The following TBC1D32 variants were observed in gnomAD, a reference collection of about 807,000 sequenced individuals.
The protein encoded by TBC1D32 is TBC1 domain family member 32.
TBC1D32 carries 151 observed loss-of-function variants against 170.3 expected under a neutral mutation model. That is an observed-to-expected ratio of 0.89 (90% CI 0.78 to 1.01). TBC1D32 has a LOEUF of 1.01. TBC1D32 is among the 50% of genes least tolerant of loss of function. The pLI is 0.00. For synonymous variants in TBC1D32, 498 were observed against 488.0 expected (o/e 1.02, Z -0.27); for missense variants, 1,464 against 1,457.1 (o/e 1.00, Z -0.08).
intron 15 of TBC1D32, among the ~76,000 whole-genome samples, chr6:121,260,733 C>T (rs140181367): frequency 2.0e-5 from 3 of 152,332 alleles, no homozygotes; most frequent in East Asian, 1.9e-4. Flanking sequence ...AACAGCCACT[C>T]GGCTGGAATC....
At chr6:121,211,886 G>A (rs540252600) in intron 21 of TBC1D32, among the ~76,000 whole-genome samples, 74 of 152,128 alleles carry the variant, frequency 4.9e-4, no homozygotes, top group African/African-American at 1.4e-3. Flanking sequence ...AGCAAGGATA[G>A]TATGTGCTCC....
intron 15 of TBC1D32, among the ~76,000 whole-genome samples, chr6:121,272,386 A>G (rs567025697): frequency 6.6e-6 from 1 of 152,250 alleles, no homozygotes; most frequent in Non-Finnish European, 1.5e-5. Context: ...TCCAGAATCT[A>G]CAAAGAACTC....
At chr6:121,280,264 TC>T (rs1802797872) in intron 14 of TBC1D32, among the ~76,000 whole-genome samples, 1 of 151,864 alleles carries the variant, frequency 6.6e-6, no homozygotes, top group Non-Finnish European at 1.5e-5. Flanking sequence ...AACTTTCTAT[TC>T]CTCATTTTAA....
chr6:121,118,437 CAAAAT>C (rs1246204891), intron 26 of TBC1D32, among the ~76,000 whole-genome samples: 1 of 151,998 alleles, frequency 6.6e-6, no homozygotes, highest in African/African-American at 2.4e-5. Flanking sequence ...GCAATAGTTT[CAAAAT>C]AAAATGAGTT....
chr6:121,121,055 A>G (rs1780207813), intron 26 of TBC1D32, among the ~76,000 whole-genome samples: 1 of 152,072 alleles, frequency 6.6e-6, no homozygotes, highest in Admixed American at 6.6e-5. Context: ...GTGTATATAT[A>G]TATAATTAAA....
intron 12 of TBC1D32, among the ~76,000 whole-genome samples, chr6:121,284,673 C>T (rs972711720): frequency 6.6e-6 from 1 of 151,852 alleles, no homozygotes; most frequent in African/African-American, 2.4e-5. Context: ...TTGACCTATG[C>T]TAATATAGTA....
intron 1 of TBC1D32, among the ~76,000 whole-genome samples, chr6:121,327,675 G>C (rs1563426710): frequency 6.6e-6 from 1 of 152,174 alleles, no homozygotes; most frequent in Admixed American, 6.5e-5. Context: ...TAAAGGCAAA[G>C]CTTCTATATA....
At chr6:121,271,107 G>A (rs569888947) in intron 15 of TBC1D32, among the ~76,000 whole-genome samples, 7 of 152,150 alleles carry the variant, frequency 4.6e-5, no homozygotes, top group South Asian at 4.1e-4. Flanking sequence ...TAGATGGGAC[G>A]TATCTCAAAA....
rs1250090966 is a variant in TBC1D32, at chr6:121,239,080, C to G, written c.2354G>C (p.Ser785Thr). The G allele has an allele frequency of 3.2e-6, 5 of 1,577,868 alleles. No individual in the cohort carries two copies. The highest frequency in any genetic ancestry group is 4.3e-6 in the Non-Finnish European group (5 of 1,152,824). Residue 785 changes from serine to threonine, a missense_variant, in exon 20 of 32, where the codon AGC (serine) becomes ACC (threonine). By Grantham distance (58) the Ser-to-Thr change is moderately conservative (BLOSUM62 1). Coordinates refer to ENST00000398212, the MANE Select transcript of TBC1D32 (RefSeq NM_152730.6). ...RTTPVDPIDR[S>T]CQKSFLALVN... ...CAAATAACTTCTTACCTTTTGACAG[C>G]TTCGGTCAATAGGATCCACTGGAGT... is the stretch of plus-strand genomic sequence containing the variant.
chr6:121,080,521 A>T lies in TBC1D32; in HGVS notation c.*250T>A, dbSNP rs1027756774. ...GAGCCACCGCGCCTGGCCAGGACTA[A>T]CTCTTAAACATGAATAAGAACTAAA... On this transcript the variant is annotated 3_prime_UTR_variant, in exon 32 of 32. Coordinates refer to ENST00000398212, the MANE Select transcript of TBC1D32 (RefSeq NM_152730.6). 5.4e-6 allele frequency: 2 copies of T among 371,810 alleles called. No homozygotes were observed. Among genetic ancestry groups the T allele is most frequent in the South Asian group, 4.2e-5 (1 of 23,964 alleles). The allele number at this position is 371,810 out of a possible 1,614,324, so 23.0% of individuals were successfully genotyped here.
chr6:121,110,537 G>A (rs1269699380), intron 29 of TBC1D32, among the ~76,000 whole-genome samples: 1 of 151,934 alleles, frequency 6.6e-6, no homozygotes, highest in Non-Finnish European at 1.5e-5. Context: ...ATAATGTGAG[G>A]CTGAGCTAAA....
chr6:121,258,114 T>G (rs921368170), intron 15 of TBC1D32, among the ~76,000 whole-genome samples: 5 of 152,172 alleles, frequency 3.3e-5, no homozygotes, highest in South Asian at 2.1e-4. Context: ...CTTTATACTT[T>G]TATCTTTTTC....
intron 1 of TBC1D32, among the ~76,000 whole-genome samples, chr6:121,324,657 T>C (rs917568405): frequency 6.6e-6 from 1 of 152,364 alleles, no homozygotes; most frequent in African/African-American, 2.4e-5. Flanking sequence ...TATTTGAAGA[T>C]CTTCCCATAT....
At chr6:121,230,480 T>C (rs2128339748) in intron 20 of TBC1D32, among the ~76,000 whole-genome samples, 1 of 152,256 alleles carries the variant, frequency 6.6e-6, no homozygotes, top group East Asian at 1.9e-4. Flanking sequence ...TTTCTAATTA[T>C]AGTTCAGTAC....
intron 4 of TBC1D32, among the ~76,000 whole-genome samples, chr6:121,309,140 A>G (rs1464400042): frequency 1.3e-5 from 2 of 152,192 alleles, no homozygotes; most frequent in Non-Finnish European, 2.9e-5. Flanking sequence ...ACTCCTCAAT[A>G]TAACTTTATT....
chr6:121,295,350 C>A (rs944830217), intron 10 of TBC1D32, among the ~76,000 whole-genome samples: 5 of 142,034 alleles, frequency 3.5e-5, no homozygotes, highest in Non-Finnish European at 6.1e-5. Context: ...AATCTGGTAA[C>A]AAGGCAGTTG....
chr6:121,080,021 TA>T lies in TBC1D32; in HGVS notation c.*749del, dbSNP rs1262246444. 1 of 152,174 alleles carries T rather than the reference TA, an allele frequency of 6.6e-6. No homozygotes were observed. The highest frequency in any genetic ancestry group is 1.5e-5 in the Non-Finnish European group (1 of 68,032). 9.4% of individuals were successfully genotyped at this position (152,174 alleles called of 1,614,324 possible). A position where few individuals can be genotyped will look rare whatever the true frequency, so the allele number is the denominator to read the frequency against. The stretch of plus-strand genomic sequence containing the variant: ...AATAGTATCATTGTTCTTCCACATG[TA>T]AAAGAAGCAGCTGTAGTTTTATCCA... On this transcript the variant is annotated 3_prime_UTR_variant, in exon 32 of 32. Transcript: ENST00000398212.
chr6:121,315,117 G>A (rs1261170126), intron 3 of TBC1D32, among the ~76,000 whole-genome samples: 1 of 152,160 alleles, frequency 6.6e-6, no homozygotes, highest in African/African-American at 2.4e-5. Flanking sequence ...CCAGGTAGCT[G>A]GGAAAAGAAT....
intron 22 of TBC1D32, among the ~76,000 whole-genome samples, chr6:121,179,367 A>G (rs1048186586): frequency 3.3e-5 from 5 of 151,652 alleles, no homozygotes; most frequent in Non-Finnish European, 5.9e-5. Flanking sequence ...TACCAAAAAT[A>G]AAACTCCAAT....
Sources: gnomAD v4.1 joint callset for allele counts (sites outside exome capture counted in the v4.1 genomes callset) on GRCh38, gnomAD v4.1.1 for gene constraint, MANE v1.5 for transcripts, NCBI Gene and HGNC (gene_info 2026-07-23, HGNC 2026-07-21) for gene names.